The following CNGB3 variants were observed in gnomAD, a reference collection of about 807,000 sequenced individuals.
CNGB3 encodes cyclic nucleotide gated channel subunit beta 3, also known as cyclic nucleotide-gated channel beta-3.
A neutral mutation model predicts 92.8 loss-of-function variants in CNGB3; 86 were observed. The ratio of observed to expected loss-of-function variants is 0.93; its 90% CI spans 0.78 to 1.11. The LOEUF is 1.11. Among genes scored for constraint, CNGB3 ranks in the 50% least tolerant of loss-of-function variants. CNGB3 has a pLI of 0.00. For synonymous variants in CNGB3, 333 were observed against 332.7 expected, an observed-to-expected ratio of 1.00 and a Z score of -0.01; for missense variants, 1,026 against 956.8, an observed-to-expected ratio of 1.07 and a Z score of -0.95.
At chr8:86,727,975 G>T (rs1825091132) in intron 2 of CNGB3, among the ~76,000 whole-genome samples, 1 of 151,862 alleles carries the variant, frequency 6.6e-6, no homozygotes. Flanking sequence ...ACAAGTTTCA[G>T]GAATAAAGGA....
chr8:86,595,636 CT>C (rs1169043297), intron 15 of CNGB3, among the ~76,000 whole-genome samples: 1 of 140,030 alleles, frequency 7.1e-6, no homozygotes, highest in Non-Finnish European at 1.5e-5. Context: ...TTAATCGAGT[CT>C]TATCTCTGCT....
At chr8:86,638,175 G>A (rs1272204308) in intron 10 of CNGB3, among the ~76,000 whole-genome samples, 1 of 152,086 alleles carries the variant, frequency 6.6e-6, no homozygotes, top group Non-Finnish European at 1.5e-5. Context: ...TAGAGCTTCT[G>A]TGAAAATTCT....
chr8:86,702,815 T>C (rs1824579066), intron 3 of CNGB3, among the ~76,000 whole-genome samples: 1 of 151,974 alleles, frequency 6.6e-6, no homozygotes, highest in African/African-American at 2.4e-5. Context: ...TGTAAGCTTT[T>C]AATATATATA....
In CNGB3 at chr8:86,584,980, C is replaced by T. The variant is rs549197751; in HGVS notation, c.1782-5728G>A. ...CTTTGGAACCAGATAATCCTACCAT[C>T]TACTGTGTTTCTGAACAGATTACTA... On this transcript the variant is annotated intron_variant, in intron 15 of 17. Transcript: ENST00000320005. 1.2e-4 allele frequency among the ~76,000 whole-genome samples: 18 copies of T among 152,274 alleles called. No homozygotes were observed. In the South Asian group the frequency reaches 3.1e-3, roughly 26 times the overall value.
At chr8:86,686,521 C>T (rs73273375) in intron 3 of CNGB3, among the ~76,000 whole-genome samples, 13,666 of 152,108 alleles carry the variant, frequency 0.09, 674 homozygotes, top group East Asian at 0.14. Flanking sequence ...TGCAGACACC[C>T]TATGGATCTG....
At chr8:86,712,119 T>C (rs1824762045) in intron 3 of CNGB3, among the ~76,000 whole-genome samples, 1 of 152,016 alleles carries the variant, frequency 6.6e-6, no homozygotes, top group Non-Finnish European at 1.5e-5. Flanking sequence ...AATTAAATCA[T>C]TAACAATTTT....
intron 1 of CNGB3, among the ~76,000 whole-genome samples, chr8:86,742,304 C>A (rs1348285095): frequency 6.6e-6 from 1 of 152,148 alleles, no homozygotes; most frequent in African/African-American, 2.4e-5. Context: ...TGTATGAGTT[C>A]TTAAACATAT....
At chr8:86,634,064 T>C (rs1004617395) in intron 10 of CNGB3, among the ~76,000 whole-genome samples, 3 of 152,112 alleles carry the variant, frequency 2.0e-5, no homozygotes, top group African/African-American at 7.2e-5. Context: ...ACAGACCAGA[T>C]AGGAACAGGA....
chr8:86,579,327 A>G (rs1033437829), intron 15 of CNGB3, 75 bp from the exon 16 acceptor site: 91 of 1,521,954 alleles, frequency 6.0e-5, no homozygotes, highest in Non-Finnish European at 7.9e-5. Context: ...AAAAATAGCA[A>G]CTATTATAAG....
intron 11 of CNGB3, 92 bp from the exon 12 acceptor site, chr8:86,629,170 C>G (rs1563732706): frequency 1.2e-5 from 16 of 1,341,132 alleles, no homozygotes; most frequent in Non-Finnish European, 1.6e-5. Flanking sequence ...ATACTTCCTT[C>G]TAATGCCCTG....
At chr8:86,713,442 T>A (rs183592798) in intron 3 of CNGB3, among the ~76,000 whole-genome samples, 13 of 152,318 alleles carry the variant, frequency 8.5e-5, no homozygotes, top group Admixed American at 7.2e-4. Flanking sequence ...TTGGGCATAG[T>A]ATATAGTCAA....
intron 15 of CNGB3, among the ~76,000 whole-genome samples, chr8:86,601,972 T>G (rs1475228620): frequency 2.0e-5 from 3 of 152,220 alleles, no homozygotes; most frequent in Non-Finnish European, 4.4e-5. Flanking sequence ...ACACCTGGAT[T>G]CAATTCTTAG....
intron 13 of CNGB3, among the ~76,000 whole-genome samples, chr8:86,613,602 A>G (rs1822559829): frequency 6.6e-6 from 1 of 152,172 alleles, no homozygotes; most frequent in Non-Finnish European, 1.5e-5. Context: ...ACTCATGTCC[A>G]TGGAGAAGAT....
intron 15 of CNGB3, among the ~76,000 whole-genome samples, chr8:86,587,188 G>GT (rs1821915482): frequency 6.7e-6 from 1 of 148,690 alleles, no homozygotes; most frequent in Non-Finnish European, 1.5e-5. Context: ...GGGGTTGTTT[G>GT]TTTTTTTCTT....
intron 3 of CNGB3, among the ~76,000 whole-genome samples, chr8:86,696,841 G>A (rs1039373554): frequency 3.3e-5 from 5 of 151,708 alleles, no homozygotes; most frequent in African/African-American, 4.8e-5. Flanking sequence ...CTTTTAATCC[G>A]TTCAGCCACA....
At chr8:86,612,713 G>A (rs753684195) in intron 13 of CNGB3, among the ~76,000 whole-genome samples, 2 of 152,184 alleles carry the variant, frequency 1.3e-5, no homozygotes, top group Non-Finnish European at 2.9e-5. Flanking sequence ...AGTAGCCATT[G>A]GTGAGAAGCA....
chr8:86,626,478 G>A (rs914255106), intron 12 of CNGB3, among the ~76,000 whole-genome samples: 3 of 152,120 alleles, frequency 2.0e-5, no homozygotes, highest in African/African-American at 7.2e-5. Context: ...AAATAATAAT[G>A]AGCACCATGT....
rs575637466 is a variant in CNGB3 at position 86,601,600 on chromosome 8, A to G, written c.1781+2493T>C. On this transcript the variant is annotated intron_variant, in intron 15 of 17. Transcript: ENST00000320005. Reference sequence around the variant, plus strand: ...GATTTAGCTCATTTTAACAAAGGTCACAGCATTTTTGAGTAGTAAACACTA... The same window carrying G: ...GATTTAGCTCATTTTAACAAAGGTCGCAGCATTTTTGAGTAGTAAACACTA... 7.2e-5 allele frequency among the ~76,000 whole-genome samples: 11 copies of G among 152,210 alleles called. No individual in the cohort carries two copies. In the South Asian group the frequency reaches 2.3e-3, roughly 32 times the overall value.
At chr8:86,667,298 C>T (rs1449182134) in intron 5 of CNGB3, among the ~76,000 whole-genome samples, 165 bp from the exon 6 acceptor site, 1 of 152,150 alleles carries the variant, frequency 6.6e-6, no homozygotes, top group East Asian at 1.9e-4. Flanking sequence ...TGTGAGGCTC[C>T]GGGCTTTACA....
Sources: allele counts gnomAD v4.1 joint callset (sites outside exome capture counted in the v4.1 genomes callset), GRCh38; gene constraint gnomAD v4.1.1; transcripts MANE v1.5; gene names NCBI Gene and HGNC (gene_info 2026-07-23, HGNC 2026-07-21).